Variants in TBC1D32 observed in about 807,000 individuals in gnomAD.
TBC1D32 encodes protein broad-minded.
A neutral mutation model predicts 170.3 loss-of-function variants in TBC1D32; 151 were observed. The ratio of observed to expected loss-of-function variants is 0.89; its 90% confidence interval spans 0.78 to 1.01. The LOEUF (loss-of-function observed/expected upper bound fraction) is 1.01. Ranked by LOEUF, TBC1D32 falls within the 50% of genes least tolerant of loss-of-function variation. TBC1D32 has a pLI of 0.00. For missense variants in TBC1D32, 1,464 were observed against 1,457.1 expected, an observed-to-expected ratio of 1.00 and a Z score of -0.08; for synonymous variants, 498 against 488.0, an observed-to-expected ratio of 1.02 and a Z score of -0.27.
intron 29 of TBC1D32, among the ~76,000 whole-genome samples, chr6:121,110,803 T>A (rs1054870678): frequency 6.6e-6 from 1 of 152,190 alleles, no homozygotes; most frequent in Non-Finnish European, 1.5e-5. Context: ...CGTATAAATG[T>A]AAGATATTAG....
intron 15 of TBC1D32, among the ~76,000 whole-genome samples, chr6:121,271,091 T>G (rs1298414721): frequency 2.6e-5 from 4 of 152,026 alleles, no homozygotes; most frequent in African/African-American, 7.3e-5. Context: ...CTCAATAAAC[T>G]AGGTATAGAT....
chr6:121,273,498 G>GC (rs1801784916), intron 15 of TBC1D32, among the ~76,000 whole-genome samples: 4 of 151,276 alleles, frequency 2.6e-5, no homozygotes, highest in Admixed American at 2.6e-4. Flanking sequence ...CGTGGGGTTG[G>GC]GGGGGTTAGG....
chr6:121,180,797 C>G (rs1583101521), intron 22 of TBC1D32, among the ~76,000 whole-genome samples: 4 of 152,134 alleles, frequency 2.6e-5, no homozygotes, highest in Admixed American at 2.6e-4. Context: ...AAGAGACAAC[C>G]TGCTGAATGT....
intron 9 of TBC1D32, among the ~76,000 whole-genome samples, chr6:121,301,707 T>G (rs2128476011): frequency 6.6e-6 from 1 of 152,188 alleles, no homozygotes; most frequent in South Asian, 2.1e-4. Flanking sequence ...TTTTGAAAAA[T>G]AAAAATATTA....
At chr6:121,111,025 G>A (rs1375022128) in intron 29 of TBC1D32, among the ~76,000 whole-genome samples, 3 of 152,114 alleles carry the variant, frequency 2.0e-5, no homozygotes, top group African/African-American at 7.2e-5. Context: ...AAGGTGTCAA[G>A]GCTTTACATC....
In TBC1D32 at chr6:121,299,458, TTTCGTTTC is replaced by T. The variant is rs1479524312; in HGVS notation, c.1120_1127del (p.Glu374IlefsTer2). ...ATTACAGACTTACCAGAGACTTATA[TTTCGTTTC>T]AAGAAGTCTTAATACTGTAGTTCTG... is the stretch of plus-strand genomic sequence containing the variant. On this transcript the variant is annotated frameshift_variant, in exon 10 of 32. Transcript: ENST00000398212. LOFTEE classifies it high-confidence loss of function. 2.0e-5 allele frequency: 30 copies of T among 1,509,384 alleles called. No individual in the cohort carries two copies. In the Admixed American group the frequency reaches 5.3e-4, roughly 27 times the overall value. 93.5% of individuals were successfully genotyped at this position (1,509,384 alleles called of 1,614,324 possible). A position where few individuals can be genotyped will look rare whatever the true frequency, so the allele number is the denominator to read the frequency against.
chr6:121,089,066 G>A (rs1229195819), intron 31 of TBC1D32, among the ~76,000 whole-genome samples: 1 of 152,062 alleles, frequency 6.6e-6, no homozygotes, highest in Non-Finnish European at 1.5e-5. Flanking sequence ...ATAAGTGGTA[G>A]GCACTTAATG....
intron 24 of TBC1D32, among the ~76,000 whole-genome samples, chr6:121,136,626 A>C (rs1782113317): frequency 3.3e-5 from 5 of 152,134 alleles, no homozygotes; most frequent in Admixed American, 3.3e-4. Flanking sequence ...GAAAAAAATT[A>C]ATGGTAGTAT....
At chr6:121,320,576 G>T (rs1186790281) in intron 2 of TBC1D32, among the ~76,000 whole-genome samples, 1 of 151,874 alleles carries the variant, frequency 6.6e-6, no homozygotes, top group Non-Finnish European at 1.5e-5. Flanking sequence ...TTCTGTTTTT[G>T]GTTTTCTCAA....
intron 21 of TBC1D32, among the ~76,000 whole-genome samples, chr6:121,214,479 C>G (rs1793558303): frequency 1.3e-5 from 2 of 152,178 alleles, no homozygotes; most frequent in South Asian, 4.1e-4. Context: ...ACCAGGCAGG[C>G]CAGCTGCAGC....
intron 17 of TBC1D32, among the ~76,000 whole-genome samples, chr6:121,251,039 T>C (rs979754124): frequency 1.3e-5 from 2 of 152,054 alleles, no homozygotes; most frequent in African/African-American, 4.8e-5. Context: ...GAAGGACCTC[T>C]TCAGGGAGAG....
At chr6:121,133,477 A>G (rs1165601663) in intron 24 of TBC1D32, among the ~76,000 whole-genome samples, 1 of 151,994 alleles carries the variant, frequency 6.6e-6, no homozygotes, top group African/African-American at 2.4e-5. Flanking sequence ...ATGTAAACAA[A>G]CAGAAAATAA....
intron 31 of TBC1D32, among the ~76,000 whole-genome samples, chr6:121,082,586 G>A (rs911732873): frequency 7.9e-5 from 12 of 151,896 alleles, no homozygotes; most frequent in African/African-American, 2.9e-4. Context: ...AATACTTATT[G>A]TTCATTAAAT....
intron 22 of TBC1D32, among the ~76,000 whole-genome samples, chr6:121,179,152 T>A (rs578129115): frequency 6.6e-6 from 1 of 151,970 alleles, no homozygotes; most frequent in African/African-American, 2.4e-5. Context: ...GAGAAAACAA[T>A]TGGAAATGGC....
intron 26 of TBC1D32, among the ~76,000 whole-genome samples, chr6:121,124,241 G>A (rs371052677): frequency 1.3e-5 from 2 of 151,988 alleles, no homozygotes; most frequent in Admixed American, 1.3e-4. Context: ...CTCAACATTT[G>A]TTTGTCTGGG....
rs1799002172 is a variant in TBC1D32, at chr6:121,256,267, T to C, written c.1752A>G (p.Ile584Met). The C allele has an allele frequency of 2.5e-6, 4 of 1,612,850 alleles. No individual in the cohort carries two copies. The African/African-American group carries it at 4.0e-5, about 16-fold the overall frequency. Residue 584 changes from isoleucine to methionine, a missense_variant, in exon 16 of 32, where the codon ATA becomes ATG. Around this residue, in one of 3 missense-constraint regions of TBC1D32, gnomAD observed 1,363 missense variants for 1,338.1 expected, o/e 1.02. Transcript: ENST00000398212. ...SSEESPTGAH[I>M]IAQFSKKLLD... Reference sequence around the variant, plus strand: ...GAAGTTTTTTCGAAAACTGGGCAATTATATGAGCACCTGTAGGACTAAAAG... The same window carrying C: ...GAAGTTTTTTCGAAAACTGGGCAATCATATGAGCACCTGTAGGACTAAAAG...
intron 21 of TBC1D32, among the ~76,000 whole-genome samples, chr6:121,217,011 C>T (rs557660828): frequency 6.6e-6 from 1 of 152,324 alleles, no homozygotes; most frequent in Non-Finnish European, 1.5e-5. Context: ...AAGATTAGTG[C>T]CACCATCAAG....
chr6:121,333,974 G>A (rs1263773705), intron 1 of TBC1D32, among the ~76,000 whole-genome samples: 1 of 152,168 alleles, frequency 6.6e-6, no homozygotes, highest in African/African-American at 2.4e-5. Flanking sequence ...GGCTGAGGCT[G>A]GAGAATCGCT....
At chr6:121,103,950 T>C (rs1778424784) in intron 30 of TBC1D32, among the ~76,000 whole-genome samples, 2 of 151,866 alleles carry the variant, frequency 1.3e-5, no homozygotes, top group South Asian at 4.1e-4. Context: ...TGATTTAAAG[T>C]TCTAAAAAAT....
Sources: allele counts gnomAD v4.1 joint callset (sites outside exome capture counted in the v4.1 genomes callset), GRCh38; gene constraint gnomAD v4.1.1; regional missense constraint gnomAD v4.1.1; transcripts MANE v1.5; gene names NCBI Gene and HGNC (gene_info 2026-07-23, HGNC 2026-07-21).